The following COL22A1 variants were observed in gnomAD, a reference collection of about 807,000 sequenced individuals.
COL22A1 encodes the protein collagen type XXII alpha 1 chain.
In COL22A1, 221 loss-of-function variants were observed where a neutral mutation model predicts 248.9. The ratio of observed to expected loss-of-function variants is 0.89; its 90% CI spans 0.80 to 0.99. The LOEUF (loss-of-function observed/expected upper bound fraction) is 0.99, where lower values mean the gene tolerates loss of function less well. Ranked by LOEUF, COL22A1 falls within the 50% of genes least tolerant of loss-of-function variation. The pLI, the probability that COL22A1 is intolerant of heterozygous loss-of-function variation, is 0.00. For missense variants in COL22A1, 2,240 were observed against 2,179.0 expected, an observed-to-expected ratio of 1.03 and a Z score of -0.56; for synonymous variants, 891 against 793.4, an observed-to-expected ratio of 1.12 and a Z score of -2.07.
At chr8:138,855,120 T>C (rs1821921716) in intron 3 of COL22A1, among the ~76,000 whole-genome samples, 1 of 152,238 alleles carries the variant, frequency 6.6e-6, no homozygotes, top group Admixed American at 6.5e-5. Context: ...TCTCAGAATT[T>C]TGATAAGGAT....
Position 138,812,937 on chromosome 8 carries a change from A to C in COL22A1, c.1326+2T>G, listed in dbSNP as rs1456557757. ...ATCCTCTCTGTGCGAGAGTCTGCTC[A>C]CCGGACCCGAGGGGATATCACAACA... On this transcript the variant is annotated splice_donor_variant, in intron 8 of 64. Coordinates refer to ENST00000303045, the MANE Select transcript of COL22A1 (RefSeq NM_152888.3). LOFTEE classifies it high-confidence loss of function. The C allele has an allele frequency of 1.2e-6, 2 of 1,610,892 alleles. No homozygotes were observed. Among genetic ancestry groups the C allele is most frequent in the Admixed American group, 1.7e-5 (1 of 60,014 alleles).
chr8:138,755,603 G>T, intron 19 of COL22A1, 92 bp from the exon 20 acceptor site: 2 of 1,448,848 alleles, frequency 1.4e-6, no homozygotes, highest in East Asian at 2.3e-5. Context: ...TCATTCACAG[G>T]CCATGCTGTC....
In COL22A1 at chr8:138,589,142, G is replaced by T. The variant is rs1027309679; in HGVS notation, c.*111C>A. ...AACAAAAAGCAAACGATAAAAGAAAGAAAAAAAAAAGGAACACATGGCTGA... is the reference window on the plus strand; with the variant it reads ...AACAAAAAGCAAACGATAAAAGAAATAAAAAAAAAAGGAACACATGGCTGA... On this transcript the variant is annotated 3_prime_UTR_variant, in exon 65 of 65. Transcript: ENST00000303045. 15 of 901,612 alleles carry T rather than the reference G, an allele frequency of 1.7e-5. No homozygotes were observed. Among genetic ancestry groups the T allele is most frequent in the African/African-American group, 1.2e-4 (7 of 56,024 alleles). 55.9% of individuals were successfully genotyped at this position (901,612 alleles called of 1,614,324 possible).
At position 138,878,287 on chromosome 8, in the gene COL22A1, A is replaced by T; in HGVS notation, c.121T>A (p.Phe41Ile). 1.3e-6 allele frequency: 2 copies of T among 1,570,768 alleles called. No individual in the cohort carries two copies. Among genetic ancestry groups the T allele is most frequent in the Non-Finnish European group, 1.7e-6 (2 of 1,157,874 alleles). Residue 41 changes from phenylalanine to isoleucine, a missense_variant, in exon 3 of 65, where the codon TTC becomes ATC. By Grantham distance (21) the Phe-to-Ile change is conservative. Transcript: ENST00000303045. Reference protein sequence around the residue: ...GCKSVHYDLVFLLDTSSSVGK... With the variant: ...GCKSVHYDLVILLDTSSSVGK... ...ACGCTGGAGGAGGTGTCCAGGAGGA[A>T]GACCAGATCGTAGTGGACACTTTTG...
chr8:138,754,235 T>C (rs4736186), intron 21 of COL22A1, among the ~76,000 whole-genome samples: 82,159 of 150,602 alleles, frequency 0.55, 24,186 homozygotes, highest in South Asian at 0.7. Context: ...CTGCATTCTC[T>C]GCATTATCTA....
intron 36 of COL22A1, among the ~76,000 whole-genome samples, chr8:138,689,601 G>C (rs192489697): frequency 1.6e-4 from 24 of 152,250 alleles, no homozygotes; most frequent in Non-Finnish European, 2.9e-4. Context: ...TGTAATCCTA[G>C]CTACTTGGGA....
At chr8:138,633,039 G>A (rs7462154) in intron 49 of COL22A1, among the ~76,000 whole-genome samples, 30 of 152,222 alleles carry the variant, frequency 2.0e-4, no homozygotes, top group East Asian at 1.9e-4. Context: ...TTGTCAGCTC[G>A]CTACCCATAT....
At position 138,607,995 on chromosome 8, in the gene COL22A1, G is replaced by A; in HGVS notation, c.3979-6C>T. 1.9e-6 allele frequency: 3 copies of A among 1,613,886 alleles called. No individual in the cohort carries two copies. Among genetic ancestry groups the A allele is most frequent in the Non-Finnish European group, 2.5e-6 (3 of 1,179,896 alleles). ...CCCGGTGATCCATTCTTGCCCTGGT[G>A]GAAGAAACAGAGGTAATCATCCTGC... On this transcript the variant is annotated splice_region_variant and splice_polypyrimidine_tract_variant and intron_variant, in intron 56 of 64. Coordinates refer to ENST00000303045, the MANE Select transcript of COL22A1 (RefSeq NM_152888.3).
At chr8:138,687,143 G>C (rs1019552536) in intron 37 of COL22A1, among the ~76,000 whole-genome samples, 4 of 152,160 alleles carry the variant, frequency 2.6e-5, no homozygotes, top group African/African-American at 9.7e-5. Flanking sequence ...TTTTAGTAGA[G>C]ATGGGGTTTC....
chr8:138,640,685 G>A (rs1821606420), intron 47 of COL22A1, among the ~76,000 whole-genome samples: 1 of 152,144 alleles, frequency 6.6e-6, no homozygotes, highest in Admixed American at 6.6e-5. Context: ...CAAGTATTAT[G>A]AGGACCACTT....
chr8:138,644,060 G>A (rs1018842726), intron 47 of COL22A1, among the ~76,000 whole-genome samples: 1 of 152,144 alleles, frequency 6.6e-6, no homozygotes, highest in African/African-American at 2.4e-5. Context: ...GGGATTACAG[G>A]TGGTAGCCAC....
Position 138,811,881 on chromosome 8 carries a change from G to T in COL22A1, c.1367C>A (p.Pro456Gln), listed in dbSNP as rs377477852. ...TVVTEPPPPP[P>Q]PQRPPTPGSE... ...GCCTGGGGTGGGAGGCCGCTGGGGT[G>T]GGGGTGGAGGTGGAGGCTCTGTCAC... Residue 456 changes from proline (P) to glutamine (Q), a missense_variant, in exon 9 of 65, where the codon CCA (proline) becomes CAA (glutamine). Physicochemically the swap from Pro to Gln is moderately conservative, Grantham distance 76. Transcript: ENST00000303045. 6.3e-6 allele frequency: 10 copies of T among 1,574,938 alleles called. No homozygotes were observed. The highest frequency in any genetic ancestry group is 2.3e-5 in the East Asian group (1 of 42,694).
intron 3 of COL22A1, among the ~76,000 whole-genome samples, chr8:138,844,984 A>T (rs936712993): frequency 2.0e-5 from 3 of 151,712 alleles, no homozygotes; most frequent in Admixed American, 2.0e-4. Context: ...GCATGCACAT[A>T]TACATGAAAC....
intron 3 of COL22A1, among the ~76,000 whole-genome samples, chr8:138,859,335 C>G (rs959000257): frequency 1.3e-5 from 2 of 152,204 alleles, no homozygotes; most frequent in Non-Finnish European, 2.9e-5. Context: ...GTCAGGCCCC[C>G]CTGAACACCA....
chr8:138,666,235 A>G (rs1824492557), intron 41 of COL22A1, among the ~76,000 whole-genome samples: 1 of 152,198 alleles, frequency 6.6e-6, no homozygotes, highest in South Asian at 2.1e-4. Flanking sequence ...GAAATGACTG[A>G]AAGAGTCATA....
Position 138,589,369 on chromosome 8 carries a change from G to T in COL22A1, c.4765C>A (p.Pro1589Thr), listed in dbSNP as rs139658465. The change falls in exon 65 of 65, where the codon CCA (proline) becomes ACA (threonine). Residue 1589 changes from proline (P) to threonine (T), a missense_variant. Transcript: ENST00000303045. ...CCTGGGAGGCCAGGATGTCCAGCTG[G>T]TCCTGTCTCCCCTTGAGGGCCAGGG... ...GIPGPQGETGPAGHPGLPGPP... is the reference protein window; with the variant it reads ...GIPGPQGETGTAGHPGLPGPP... 5.7e-3 allele frequency: 9,228 copies of T among 1,609,934 alleles called. 35 individuals are homozygous for T. The highest frequency in any genetic ancestry group is 6.5e-3 in the Non-Finnish European group (7,682 of 1,177,996).
intron 3 of COL22A1, among the ~76,000 whole-genome samples, chr8:138,855,453 G>T (rs1011988817): frequency 6.6e-6 from 1 of 152,188 alleles, no homozygotes; most frequent in South Asian, 2.1e-4. Flanking sequence ...CTGCTAGGCC[G>T]GGGGAGAGCA....
intron 5 of COL22A1, among the ~76,000 whole-genome samples, chr8:138,832,206 A>T (rs1051721620): frequency 1.3e-5 from 2 of 152,196 alleles, no homozygotes; most frequent in Non-Finnish European, 2.9e-5. Context: ...TCATCAAAAA[A>T]TAACCATAAA....
intron 32 of COL22A1, 67 bp from the exon 33 acceptor site, chr8:138,694,946 T>C (rs1243029171): frequency 4.0e-6 from 6 of 1,513,500 alleles, no homozygotes; most frequent in Non-Finnish European, 5.4e-6. Flanking sequence ...AGGGTACATG[T>C]CCCCAGCTCC....
Sources: allele counts gnomAD v4.1 joint callset (sites outside exome capture counted in the v4.1 genomes callset), GRCh38; gene constraint gnomAD v4.1.1; transcripts MANE v1.5; gene names NCBI Gene and HGNC (gene_info 2026-07-23, HGNC 2026-07-21).